Variants in DNAJC5B observed in about 807,000 individuals in gnomAD.
DNAJC5B encodes the protein DnaJ heat shock protein family (Hsp40) member C5 beta.
Under a neutral mutation model 24.7 loss-of-function variants are expected in DNAJC5B, and 23 were observed. The observed-to-expected ratio is 0.93, with a 90% confidence interval of 0.67 to 1.32. DNAJC5B has a LOEUF of 1.32. Among genes scored for constraint, DNAJC5B ranks in the 40% most tolerant of loss-of-function variants. The pLI is 0.00. For synonymous variants in DNAJC5B, 101 were observed against 90.1 expected, an observed-to-expected ratio of 1.12 and a Z score of -0.68; for missense variants, 238 against 240.8, an observed-to-expected ratio of 0.99 and a Z score of 0.08.
At chr8:66,083,340 G>A (rs559579868) in intron 5 of DNAJC5B, among the ~76,000 whole-genome samples, 1 of 152,190 alleles carries the variant, frequency 6.6e-6, no homozygotes, top group African/African-American at 2.4e-5. Context: ...GAAAAAAATA[G>A]AAAAATCTGC....
intron 5 of DNAJC5B, among the ~76,000 whole-genome samples, chr8:66,085,548 G>A (rs1324123197): frequency 6.6e-6 from 1 of 152,080 alleles, no homozygotes; most frequent in Non-Finnish European, 1.5e-5. Flanking sequence ...ACTCTAGCCT[G>A]GGTGACAGAG....
At chr8:66,036,024 GTCAGAGTTGT>G (rs1180751547) in intron 1 of DNAJC5B, among the ~76,000 whole-genome samples, 1 of 152,198 alleles carries the variant, frequency 6.6e-6, no homozygotes, top group Non-Finnish European at 1.5e-5. Flanking sequence ...GCCCCTGTGG[GTCAGAGTTGT>G]TCAGCGTGAT....
chr8:66,093,582 T>C (rs1251591582), intron 5 of DNAJC5B, among the ~76,000 whole-genome samples: 1 of 152,214 alleles, frequency 6.6e-6, no homozygotes, highest in Admixed American at 6.5e-5. Context: ...AATTATATCA[T>C]CTGCCTTTTC....
At chr8:66,069,601 T>A (rs1037850813) in intron 3 of DNAJC5B, among the ~76,000 whole-genome samples, 3 of 152,074 alleles carry the variant, frequency 2.0e-5, no homozygotes, top group Non-Finnish European at 4.4e-5. Flanking sequence ...CAGGACCAGA[T>A]GGATTCACAG....
upstream of DNAJC5B, among the ~76,000 whole-genome samples, chr8:66,019,948 C>A (rs888416728): frequency 6.6e-6 from 1 of 152,322 alleles, no homozygotes; most frequent in African/African-American, 2.4e-5. Context: ...TGTCCATTAA[C>A]CATTTCCCTA....
intron 1 of DNAJC5B, among the ~76,000 whole-genome samples, chr8:66,028,651 G>A (rs1377157916): frequency 6.6e-6 from 1 of 151,988 alleles, no homozygotes; most frequent in Non-Finnish European, 1.5e-5. Context: ...TGCTGCATTC[G>A]GTCATTGAAC....
Position 66,080,641 on chromosome 8 carries a change from G to A in DNAJC5B, c.505+93G>A, listed in dbSNP as rs1426772991. On this transcript the variant is annotated intron_variant, in intron 5 of 5. Coordinates refer to ENST00000276570, the MANE Select transcript of DNAJC5B (RefSeq NM_033105.6). ...GGGGACAGCTATCACTATAGTAGGA[G>A]AGCTCCCACAACCAAATGGGTGGAA... 4 of 1,143,930 alleles carry A rather than the reference G, an allele frequency of 3.5e-6. No homozygotes were observed. The African/African-American group carries it at 6.3e-5, about 18-fold the overall frequency. The allele number at this position is 1,143,930 out of a possible 1,614,324, so 70.9% of individuals were successfully genotyped here.
intron 1 of DNAJC5B, among the ~76,000 whole-genome samples, chr8:66,041,683 G>T (rs1806612870): frequency 6.6e-6 from 1 of 152,128 alleles, no homozygotes; most frequent in Admixed American, 6.5e-5. Flanking sequence ...TACATTTAGT[G>T]CATTTTGAAT....
intron 5 of DNAJC5B, among the ~76,000 whole-genome samples, chr8:66,087,457 A>G (rs1807752412): frequency 6.6e-6 from 1 of 152,030 alleles, no homozygotes; most frequent in Non-Finnish European, 1.5e-5. Flanking sequence ...ACATTTCGAA[A>G]CCAATCATGC....
intron 1 of DNAJC5B, among the ~76,000 whole-genome samples, chr8:66,032,856 G>A (rs1422453521): frequency 2.6e-5 from 4 of 152,118 alleles, no homozygotes; most frequent in Non-Finnish European, 4.4e-5. Flanking sequence ...ACATAACTAT[G>A]AGCCCCTAAA....
chr8:66,095,182 C>A (rs1056104591), intron 5 of DNAJC5B, among the ~76,000 whole-genome samples: 1 of 151,962 alleles, frequency 6.6e-6, no homozygotes, highest in African/African-American at 2.4e-5. Context: ...GGGATTCTTT[C>A]TACAGGATTC....
At chr8:66,054,919 C>G (rs990111646) in intron 3 of DNAJC5B, among the ~76,000 whole-genome samples, 2 of 152,030 alleles carry the variant, frequency 1.3e-5, no homozygotes, top group African/African-American at 4.8e-5. Context: ...ATTGCATTGT[C>G]AGTTAATTTT....
At chr8:66,019,859 G>T (rs1806063923), upstream of DNAJC5B, among the ~76,000 whole-genome samples, 1 of 152,186 alleles carries the variant, frequency 6.6e-6, no homozygotes, top group African/African-American at 2.4e-5. Flanking sequence ...ATCCATAATG[G>T]TTCTCTTAGG....
intron 1 of DNAJC5B, among the ~76,000 whole-genome samples, chr8:66,026,762 C>T (rs1806253128): frequency 6.6e-6 from 1 of 152,218 alleles, no homozygotes; most frequent in Non-Finnish European, 1.5e-5. Flanking sequence ...CCCTGCTATC[C>T]CATGGGAACC....
At chr8:66,058,067 T>G (rs1310856927) in intron 3 of DNAJC5B, 1 of 152,230 alleles carries the variant, frequency 6.6e-6, no homozygotes, top group Non-Finnish European at 1.5e-5. Flanking sequence ...CCACCCTCGA[T>G]GGTGGTGTGT....
chr8:66,090,894 C>T (rs375079016), intron 5 of DNAJC5B, among the ~76,000 whole-genome samples: 1 of 152,150 alleles, frequency 6.6e-6, no homozygotes, highest in Non-Finnish European at 1.5e-5. Context: ...GAAAACAATG[C>T]TTGCAACTAG....
chr8:66,069,025 T>G (rs568513898), intron 3 of DNAJC5B, among the ~76,000 whole-genome samples: 1 of 152,130 alleles, frequency 6.6e-6, no homozygotes, highest in East Asian at 1.9e-4. Context: ...ATATTTTTTT[T>G]TAGAGAAAAC....
chr8:66,083,322 T>C (rs556891067), intron 5 of DNAJC5B, among the ~76,000 whole-genome samples: 11 of 152,238 alleles, frequency 7.2e-5, no homozygotes, highest in African/African-American at 2.4e-4. Context: ...TTTTGAAATA[T>C]TTTCTATGAA....
At chr8:66,059,591 T>C (rs1807037739) in intron 3 of DNAJC5B, among the ~76,000 whole-genome samples, 1 of 152,200 alleles carries the variant, frequency 6.6e-6, no homozygotes, top group Non-Finnish European at 1.5e-5. Flanking sequence ...ATAACCTCAA[T>C]ACTCAGGTTC....
Sources: gnomAD v4.1 joint callset for allele counts (sites outside exome capture counted in the v4.1 genomes callset) on GRCh38, gnomAD v4.1.1 for gene constraint, MANE v1.5 for transcripts, NCBI Gene and HGNC (gene_info 2026-07-23, HGNC 2026-07-21) for gene names.